ASAP1: variants seen among roughly 807,000 people sequenced by gnomAD.
ASAP1 encodes arf-GAP with SH3 domain, ANK repeat and PH domain-containing protein 1.
Under a neutral mutation model 145.2 loss-of-function variants are expected in ASAP1, and 43 were observed. The ratio of observed to expected loss-of-function variants is 0.30; its 90% CI spans 0.23 to 0.38. The LOEUF is 0.38. Ranked by LOEUF, ASAP1 falls within the 10% of genes least tolerant of loss-of-function variation. The probability of loss-of-function intolerance (pLI) is 1.00; values close to 1 mark genes in which losing one functional copy is unlikely to be tolerated. For missense variants in ASAP1, 1,018 were observed against 1,355.3 expected, an observed-to-expected ratio of 0.75 and a Z score of 3.91; for synonymous variants, 546 against 515.5, an observed-to-expected ratio of 1.06 and a Z score of -0.80.
chr8:130,129,542 A>AACATATATATAACATATATAG (rs1208431874), intron 15 of ASAP1, among the ~76,000 whole-genome samples: 1 of 152,240 alleles, frequency 6.6e-6, no homozygotes, highest in African/African-American at 2.4e-5. Context: ...ATTTTTTGTT[A>AACATATATATAACATATATAG]CTATATAGAC....
chr8:130,138,836 C>CAAAAAAA (rs754901058), intron 13 of ASAP1, among the ~76,000 whole-genome samples: 2 of 81,430 alleles, frequency 2.5e-5, no homozygotes, highest in Non-Finnish European at 2.5e-5. Context: ...AACTCCGTCT[C>CAAAAAAA]AAAAAAAAAA....
intron 2 of ASAP1, among the ~76,000 whole-genome samples, chr8:130,369,692 A>G (rs902374550): frequency 3.3e-5 from 5 of 152,188 alleles, no homozygotes; most frequent in African/African-American, 1.2e-4. Context: ...ACCCACTAGG[A>G]TGGCTGTAAT....
chr8:130,173,638 C>T (rs1813741543), intron 9 of ASAP1, among the ~76,000 whole-genome samples: 1 of 151,602 alleles, frequency 6.6e-6, no homozygotes, highest in African/African-American at 2.4e-5. Context: ...CGTGGTGGTA[C>T]ATGCCTGTAG....
At chr8:130,153,375 A>ATG (rs2097651625) in intron 12 of ASAP1, among the ~76,000 whole-genome samples, 1 of 102,632 alleles carries the variant, frequency 9.7e-6, no homozygotes, top group African/African-American at 3.4e-5. Flanking sequence ...ATATATATAT[A>ATG]TATATATATT....
At chr8:130,330,685 AT>A (rs1291535081) in intron 3 of ASAP1, among the ~76,000 whole-genome samples, 2 of 152,212 alleles carry the variant, frequency 1.3e-5, no homozygotes, top group African/African-American at 4.8e-5. Flanking sequence ...ACGATGGATC[AT>A]TGTTTCCTTT....
At chr8:130,160,808 G>T in intron 11 of ASAP1, 1 of 1,282,564 alleles carries the variant, frequency 7.8e-7, no homozygotes, top group Non-Finnish European at 1.0e-6. Flanking sequence ...GATCAGGAAG[G>T]GCAAAAGAAA....
intron 3 of ASAP1, among the ~76,000 whole-genome samples, chr8:130,276,945 C>G (rs1339500131): frequency 1.3e-5 from 2 of 152,162 alleles, no homozygotes; most frequent in Non-Finnish European, 2.9e-5. Flanking sequence ...GATGGAAGGA[C>G]TCTGCCTGCT....
chr8:130,062,932 C>G (rs1564916652), intron 27 of ASAP1, among the ~76,000 whole-genome samples: 2 of 152,228 alleles, frequency 1.3e-5, no homozygotes, highest in South Asian at 2.1e-4. Context: ...ATGACGGTGC[C>G]ATTGCACTCC....
At chr8:130,180,994 T>C in intron 7 of ASAP1, 114 bp from the exon 8 acceptor site, 1 of 922,802 alleles carries the variant, frequency 1.1e-6, no homozygotes, top group Non-Finnish European at 1.6e-6. Flanking sequence ...TCTATGTAGG[T>C]TCATCAGTTG....
At chr8:130,142,590 G>A (rs2097614711) in intron 13 of ASAP1, among the ~76,000 whole-genome samples, 2 of 152,302 alleles carry the variant, frequency 1.3e-5, no homozygotes, top group East Asian at 1.9e-4. Context: ...AGGGAGCCCA[G>A]GGACCTGAGC....
chr8:130,234,670 G>T (rs1818106539), intron 4 of ASAP1, among the ~76,000 whole-genome samples: 1 of 152,120 alleles, frequency 6.6e-6, no homozygotes, highest in African/African-American at 2.4e-5. Context: ...GCATCTTGAG[G>T]GGGAACATTT....
At chr8:130,176,942 A>G (rs577012926) in intron 9 of ASAP1, among the ~76,000 whole-genome samples, 1 of 152,154 alleles carries the variant, frequency 6.6e-6, no homozygotes, top group South Asian at 2.1e-4. Context: ...CACCTGCCTC[A>G]GCCTCCCAAA....
At chr8:130,161,936 G>C (rs1024571869) in intron 11 of ASAP1, among the ~76,000 whole-genome samples, 2 of 152,136 alleles carry the variant, frequency 1.3e-5, no homozygotes, top group Non-Finnish European at 2.9e-5. Context: ...GAGTAGCTGG[G>C]ACTACAGGTG....
At chr8:130,276,719 C>CAT (rs1236975087) in intron 3 of ASAP1, among the ~76,000 whole-genome samples, 1 of 138,444 alleles carries the variant, frequency 7.2e-6, no homozygotes, top group African/African-American at 2.8e-5. Context: ...CACACACACA[C>CAT]ACACACACAC....
At chr8:130,277,074 G>T (rs1161958208) in intron 3 of ASAP1, among the ~76,000 whole-genome samples, 1 of 152,120 alleles carries the variant, frequency 6.6e-6, no homozygotes, top group Non-Finnish European at 1.5e-5. Flanking sequence ...TCACATGTGT[G>T]TGCTTTTCAA....
In ASAP1 at chr8:130,060,566, T is replaced by C; in HGVS notation, c.3192+13A>G. ...AATAGGGTTCCTAAGGGCCTGAACA[T>C]TGTCCCACCCACCGTATTGATTTTT... On this transcript the variant is annotated intron_variant, in intron 28 of 29. Transcript: ENST00000518721. The C allele has an allele frequency of 6.3e-7, 1 of 1,596,436 alleles. No homozygotes were observed. Among genetic ancestry groups the C allele is most frequent in the Non-Finnish European group, 8.5e-7 (1 of 1,171,230 alleles).
intron 3 of ASAP1, among the ~76,000 whole-genome samples, chr8:130,300,113 T>TACACACACACACACACAC (rs373589102): frequency 2.1e-4 from 15 of 72,896 alleles, no homozygotes; most frequent in South Asian, 6.2e-4. Context: ...AAAAGAAAAA[T>TACACACACACACACACAC]ACACACACAC....
chr8:130,273,073 C>A (rs1820677238), intron 3 of ASAP1, among the ~76,000 whole-genome samples: 1 of 152,144 alleles, frequency 6.6e-6, no homozygotes, highest in Non-Finnish European at 1.5e-5. Flanking sequence ...CTCATAATTA[C>A]ACATCCTATG....
chr8:130,133,151 A>T (rs66513387), intron 15 of ASAP1, among the ~76,000 whole-genome samples: 15,392 of 152,012 alleles, frequency 0.1, 1,054 homozygotes, highest in Non-Finnish European at 0.15. Flanking sequence ...TTAGAAATAA[A>T]AAAAAAAAAA....
Sources: allele counts gnomAD v4.1 joint callset (sites outside exome capture counted in the v4.1 genomes callset), GRCh38; gene constraint gnomAD v4.1.1; transcripts MANE v1.5; gene names NCBI Gene and HGNC (gene_info 2026-07-23, HGNC 2026-07-21).